PARP8: variants seen among roughly 807,000 people sequenced by gnomAD.
PARP8 encodes poly(ADP-ribose) polymerase family member 8.
A neutral mutation model predicts 124.1 loss-of-function variants in PARP8; 51 were observed. The ratio of observed to expected loss-of-function variants is 0.41; its 90% CI spans 0.33 to 0.52. PARP8 has a LOEUF of 0.52. Ranked by LOEUF, PARP8 falls within the 20% of genes least tolerant of loss-of-function variation. The probability of loss-of-function intolerance (pLI) is 0.21; values close to 1 mark genes in which losing one functional copy is unlikely to be tolerated. For missense variants in PARP8, 860 were observed against 1,018.9 expected, an observed-to-expected ratio of 0.84 and a Z score of 2.12; for synonymous variants, 391 against 361.5, an observed-to-expected ratio of 1.08 and a Z score of -0.93.
At chr5:50,776,291 A>T (rs967832780) in intron 7 of PARP8, among the ~76,000 whole-genome samples, 27 of 152,150 alleles carry the variant, frequency 1.8e-4, no homozygotes, top group African/African-American at 6.5e-4. Context: ...TCAGTTTGCT[A>T]GTATTTTGTT....
At chr5:50,737,718 AG>A (rs1339242290) in intron 2 of PARP8, among the ~76,000 whole-genome samples, 10 of 152,158 alleles carry the variant, frequency 6.6e-5, no homozygotes, top group Non-Finnish European at 1.5e-4. Flanking sequence ...TTTAGAGCTT[AG>A]TTTGGACATA....
intron 5 of PARP8, among the ~76,000 whole-genome samples, chr5:50,761,296 C>G (rs1361019657): frequency 2.0e-5 from 3 of 151,998 alleles, no homozygotes; most frequent in African/African-American, 4.8e-5. Context: ...AAATTAAATA[C>G]CCTTTTGAAA....
At chr5:50,764,759 A>G (rs1449255601) in intron 7 of PARP8, among the ~76,000 whole-genome samples, 4 of 151,944 alleles carry the variant, frequency 2.6e-5, no homozygotes, top group East Asian at 1.9e-4. Context: ...GCATATATGA[A>G]GAAGGCAATT....
Position 50,842,017 on chromosome 5 carries a change from C to G in PARP8, c.2514C>G (p.Gly838=), listed in dbSNP as rs1260747683. 1.9e-6 allele frequency: 3 copies of G among 1,605,816 alleles called. No individual in the cohort carries two copies. The highest frequency in any genetic ancestry group is 3.4e-5 in the Admixed American group (2 of 59,142). ...CAAATATTAATACACAAGAAGGAGG[C>G]ATTCACAAAGAGATCCTCCGAGTAA... is the stretch of plus-strand genomic sequence containing the variant. ...GDANINTQEG[G]IHKEILRVIG... Residue 838 remains glycine (G), a synonymous_variant, in exon 26 of 26, where the codon GGC becomes GGG. Coordinates refer to ENST00000281631, the MANE Select transcript of PARP8 (RefSeq NM_024615.4).
At chr5:50,686,203 TC>T (rs1751842410) in intron 2 of PARP8, among the ~76,000 whole-genome samples, 1 of 152,218 alleles carries the variant, frequency 6.6e-6, no homozygotes, top group Non-Finnish European at 1.5e-5. Flanking sequence ...ATAGATGCAG[TC>T]ATTCCAAATG....
intron 9 of PARP8, among the ~76,000 whole-genome samples, chr5:50,779,066 T>A (rs1740362725): frequency 6.6e-6 from 1 of 152,182 alleles, no homozygotes; most frequent in South Asian, 2.1e-4. Flanking sequence ...GCTGAATCTT[T>A]AAGCGACAAT....
At chr5:50,762,741 A>G (rs939234932) in intron 6 of PARP8, among the ~76,000 whole-genome samples, 12 of 152,348 alleles carry the variant, frequency 7.9e-5, no homozygotes, top group Admixed American at 7.8e-4. Flanking sequence ...GCAATAAGAT[A>G]GTTTTCCCAA....
At chr5:50,743,012 GGAGT>G (rs1758203453) in intron 2 of PARP8, among the ~76,000 whole-genome samples, 1 of 152,178 alleles carries the variant, frequency 6.6e-6, no homozygotes, top group Non-Finnish European at 1.5e-5. Flanking sequence ...TAAGAGGAAA[GGAGT>G]GAGAGCTGGG....
chr5:50,818,296 C>CT (rs756551098), intron 15 of PARP8, among the ~76,000 whole-genome samples: 2 of 150,764 alleles, frequency 1.3e-5, no homozygotes, highest in Non-Finnish European at 2.9e-5. Context: ...TTGGTGCAAT[C>CT]TCAGTCATTG....
At chr5:50,722,437 T>C (rs1755990292) in intron 2 of PARP8, among the ~76,000 whole-genome samples, 2 of 152,176 alleles carry the variant, frequency 1.3e-5, no homozygotes, top group East Asian at 1.9e-4. Flanking sequence ...CCTTAGCCGA[T>C]AGTGGGACAC....
At chr5:50,708,614 C>G (rs1754407966) in intron 2 of PARP8, among the ~76,000 whole-genome samples, 1 of 151,768 alleles carries the variant, frequency 6.6e-6, no homozygotes, top group Non-Finnish European at 1.5e-5. Flanking sequence ...TGTAACTTAC[C>G]TTTGTATATC....
intron 7 of PARP8, among the ~76,000 whole-genome samples, chr5:50,766,376 G>C (rs1358686753): frequency 6.6e-6 from 1 of 152,112 alleles, no homozygotes; most frequent in African/African-American, 2.4e-5. Context: ...CATTGTAAAT[G>C]TACCTCCCTA....
At chr5:50,720,919 A>G (rs1225114378) in intron 2 of PARP8, among the ~76,000 whole-genome samples, 1 of 151,864 alleles carries the variant, frequency 6.6e-6, no homozygotes, top group Non-Finnish European at 1.5e-5. Context: ...TGAGCAGAAC[A>G]CAACTTAGAT....
At chr5:50,750,813 T>G (rs1759172441) in intron 3 of PARP8, among the ~76,000 whole-genome samples, 1 of 152,134 alleles carries the variant, frequency 6.6e-6, no homozygotes. Context: ...TATTGTACAG[T>G]TATACAATGA....
At chr5:50,724,825 T>G (rs778821641) in intron 2 of PARP8, among the ~76,000 whole-genome samples, 1 of 151,732 alleles carries the variant, frequency 6.6e-6, no homozygotes, top group Admixed American at 6.6e-5. Context: ...TTGTACCTAC[T>G]GTGTAGTTTT....
intron 3 of PARP8, among the ~76,000 whole-genome samples, chr5:50,756,529 A>T (rs1759978714): frequency 2.0e-5 from 3 of 152,168 alleles, no homozygotes; most frequent in South Asian, 4.1e-4. Flanking sequence ...ATCATCAAAG[A>T]TCATGAGCAA....
chr5:50,690,816 GT>G (rs1752412616), intron 2 of PARP8, among the ~76,000 whole-genome samples: 1 of 152,104 alleles, frequency 6.6e-6, no homozygotes, highest in African/African-American at 2.4e-5. Context: ...TATAAATAAT[GT>G]TAAATAGTGG....
intron 7 of PARP8, among the ~76,000 whole-genome samples, chr5:50,769,268 G>T (rs1168083176): frequency 6.6e-6 from 1 of 151,000 alleles, no homozygotes; most frequent in African/African-American, 2.4e-5. Context: ...TGTAGATAAG[G>T]GTCGTACTGA....
intron 2 of PARP8, chr5:50,741,913 G>A: frequency 2.3e-6 from 1 of 433,004 alleles, no homozygotes; most frequent in South Asian, 1.6e-5. Flanking sequence ...AGGTTCAAGT[G>A]ATTCTCCTGC....
Sources: gnomAD v4.1 joint callset for allele counts (sites outside exome capture counted in the v4.1 genomes callset) on GRCh38, gnomAD v4.1.1 for gene constraint, MANE v1.5 for transcripts, NCBI Gene and HGNC (gene_info 2026-07-23, HGNC 2026-07-21) for gene names.